MTUS2: variants seen among roughly 807,000 people sequenced by gnomAD.
The protein encoded by MTUS2 is microtubule-associated tumor suppressor candidate 2.
Under a neutral mutation model 114.1 loss-of-function variants are expected in MTUS2, and 40 were observed. That is an observed-to-expected ratio of 0.35 (90% CI 0.27 to 0.46). The LOEUF (loss-of-function observed/expected upper bound fraction) is 0.46, where lower values mean the gene tolerates loss of function less well. Among genes scored for constraint, MTUS2 ranks in the 20% least tolerant of loss-of-function variants. MTUS2 has a pLI of 1.00. For synonymous variants in MTUS2, 688 were observed against 672.0 expected (o/e 1.02, Z -0.37); for missense variants, 1,679 against 1,705.4 (o/e 0.98, Z 0.27).
At chr13:29,208,420 A>G (rs1269090349) in intron 5 of MTUS2, among the ~76,000 whole-genome samples, 6 of 149,900 alleles carry the variant, frequency 4.0e-5, no homozygotes, top group East Asian at 2.0e-4. Flanking sequence ...TTTTATCTCA[A>G]TTTTCTTTAG....
intron 2 of MTUS2, among the ~76,000 whole-genome samples, chr13:28,897,829 A>G (rs1217753188): frequency 2.0e-5 from 3 of 148,014 alleles, no homozygotes; most frequent in African/African-American, 7.4e-5. Flanking sequence ...GCATGTTCTC[A>G]CTCATAGGTG....
At chr13:29,290,407 G>A (rs1486119859) in intron 6 of MTUS2, among the ~76,000 whole-genome samples, 1 of 152,128 alleles carries the variant, frequency 6.6e-6, no homozygotes, top group Non-Finnish European at 1.5e-5. Flanking sequence ...TCAGCTCACT[G>A]CAACCTCCGC....
intron 5 of MTUS2, among the ~76,000 whole-genome samples, chr13:29,273,397 G>T (rs1439530131): frequency 1.3e-5 from 2 of 152,178 alleles, no homozygotes; most frequent in Non-Finnish European, 2.9e-5. Context: ...TAGTCACAAT[G>T]CAGGGATAGG....
chr13:29,359,069 A>C (rs1017259901), intron 7 of MTUS2, among the ~76,000 whole-genome samples, 193 bp from the exon 8 acceptor site: 21 of 152,124 alleles, frequency 1.4e-4, no homozygotes, highest in African/African-American at 5.1e-4. Context: ...GAAACCTTGC[A>C]CTTAACAACC....
At chr13:29,502,956 G>A in intron 15 of MTUS2, 37 bp from the exon 16 acceptor site, 4 of 1,603,594 alleles carry the variant, frequency 2.5e-6, no homozygotes, top group East Asian at 2.2e-5. Context: ...GTGTCCACTA[G>A]CATGATTGCT....
chr13:28,834,588 AAAGT>A (rs1262398334), intron 1 of MTUS2, among the ~76,000 whole-genome samples: 2 of 152,166 alleles, frequency 1.3e-5, no homozygotes, highest in Non-Finnish European at 2.9e-5. Flanking sequence ...CTCAGGAAAA[AAAGT>A]AAGAGTAAAT....
chr13:28,866,210 C>T (rs1342823719), intron 2 of MTUS2, among the ~76,000 whole-genome samples: 1 of 152,150 alleles, frequency 6.6e-6, no homozygotes, highest in Non-Finnish European at 1.5e-5. Context: ...CGACACGGTG[C>T]CACATTTCTG....
intron 6 of MTUS2, among the ~76,000 whole-genome samples, chr13:29,297,004 G>A (rs1011989851): frequency 6.6e-6 from 1 of 151,966 alleles, no homozygotes; most frequent in African/African-American, 2.4e-5. Flanking sequence ...TGAGGTATTC[G>A]CCATAAAATC....
At chr13:29,438,362 A>T (rs1877570939) in intron 8 of MTUS2, among the ~76,000 whole-genome samples, 2 of 152,300 alleles carry the variant, frequency 1.3e-5, no homozygotes, top group Admixed American at 6.5e-5. Flanking sequence ...GGGATGCTGT[A>T]ACTAAATGTT....
intron 9 of MTUS2, among the ~76,000 whole-genome samples, chr13:29,461,067 C>T (rs1212357552): frequency 6.6e-6 from 1 of 152,084 alleles, no homozygotes; most frequent in African/African-American, 2.4e-5. Flanking sequence ...TAATTTCTTA[C>T]AGTTCTGGAG....
At position 28,962,269 on chromosome 13, in the gene MTUS2, A is replaced by G. The variant is rs1883366237; in HGVS notation, c.-242-62188A>G. Among the ~76,000 whole-genome samples, 4 of 152,142 alleles carry G rather than the reference A, an allele frequency of 2.6e-5. No individual in the cohort carries two copies. In the South Asian group the frequency reaches 8.3e-4, roughly 31 times the overall value. On this transcript the variant is annotated intron_variant, in intron 2 of 15. Transcript: ENST00000612955. ...CTTCCACCAGTCAAGTCAAGAGTCT[A>G]GATGTGTTTTCATCTCTCTTCTCTC...
chr13:29,202,916 G>T (rs1392980700), intron 5 of MTUS2, among the ~76,000 whole-genome samples: 1 of 152,148 alleles, frequency 6.6e-6, no homozygotes, highest in Admixed American at 6.5e-5. Context: ...GATGCCAGCC[G>T]GAGCTCTCCT....
chr13:29,211,232 G>A (rs1385189579), intron 5 of MTUS2, among the ~76,000 whole-genome samples: 9 of 152,026 alleles, frequency 5.9e-5, no homozygotes, highest in Non-Finnish European at 8.8e-5. Context: ...GCTGGGTCAC[G>A]CAGGTTGCCA....
chr13:29,402,228 G>A (rs1874400833), intron 8 of MTUS2, among the ~76,000 whole-genome samples: 1 of 152,020 alleles, frequency 6.6e-6, no homozygotes, highest in African/African-American at 2.4e-5. Flanking sequence ...TTAGTCCCCA[G>A]ACCCCACCAC....
At chr13:29,185,045 C>T (rs1283503312) in intron 5 of MTUS2, among the ~76,000 whole-genome samples, 2 of 151,928 alleles carry the variant, frequency 1.3e-5, no homozygotes, top group African/African-American at 2.4e-5. Context: ...AGAACAATGC[C>T]TCCCTAAATA....
chr13:29,180,115 C>T (rs918505922), intron 5 of MTUS2, among the ~76,000 whole-genome samples: 3 of 152,162 alleles, frequency 2.0e-5, no homozygotes, highest in Non-Finnish European at 4.4e-5. Flanking sequence ...TTGAATATTT[C>T]CCTGTAAAAC....
chr13:28,992,874 T>TA (rs547306447), intron 2 of MTUS2, among the ~76,000 whole-genome samples: 3 of 152,178 alleles, frequency 2.0e-5, no homozygotes, highest in African/African-American at 4.8e-5. Context: ...CCGTCCCCGT[T>TA]AAAAAACTTT....
At chr13:28,882,222 C>A (rs1299483903) in intron 2 of MTUS2, among the ~76,000 whole-genome samples, 1 of 151,952 alleles carries the variant, frequency 6.6e-6, no homozygotes, top group East Asian at 1.9e-4. Context: ...ATCCACCTGG[C>A]AAATTTTTAT....
At chr13:29,181,104 A>G (rs918116423) in intron 5 of MTUS2, among the ~76,000 whole-genome samples, 6 of 152,126 alleles carry the variant, frequency 3.9e-5, no homozygotes, top group Non-Finnish European at 5.9e-5. Flanking sequence ...GCCTTGGCGA[A>G]TGAGCGTCAG....
Sources: allele counts gnomAD v4.1 joint callset (sites outside exome capture counted in the v4.1 genomes callset), GRCh38; gene constraint gnomAD v4.1.1; transcripts MANE v1.5; gene names NCBI Gene and HGNC (gene_info 2026-07-23, HGNC 2026-07-21).